DUSP16: variants seen among roughly 807,000 people sequenced by gnomAD.
DUSP16 encodes dual specificity protein phosphatase 16.
In DUSP16, 21 loss-of-function variants were observed where a neutral mutation model predicts 58.3. The ratio of observed to expected loss-of-function variants is 0.36; its 90% CI spans 0.26 to 0.52. The LOEUF (loss-of-function observed/expected upper bound fraction) is 0.52. Ranked by LOEUF, DUSP16 falls within the 20% of genes least tolerant of loss-of-function variation. The probability of loss-of-function intolerance (pLI) is 0.94; values close to 1 mark genes in which losing one functional copy is unlikely to be tolerated. For missense variants in DUSP16, 726 were observed against 819.0 expected (o/e 0.89, Z 1.39); for synonymous variants, 320 against 323.8 (o/e 0.99, Z 0.12).
At chr12:12,479,262 T>C (rs1293070699) in intron 6 of DUSP16, among the ~76,000 whole-genome samples, 1 of 143,332 alleles carries the variant, frequency 7.0e-6, no homozygotes, top group Non-Finnish European at 1.5e-5. Context: ...AAATTTGCAT[T>C]TGAATAAGGA....
At chr12:12,510,501 T>G (rs1301826178) in intron 3 of DUSP16, among the ~76,000 whole-genome samples, 2 of 152,170 alleles carry the variant, frequency 1.3e-5, no homozygotes, top group African/African-American at 4.8e-5. Context: ...AGTCCTCCTC[T>G]TTGGCCAACT....
chr12:12,481,385 T>G (rs1221845783), intron 5 of DUSP16, among the ~76,000 whole-genome samples: 1 of 152,156 alleles, frequency 6.6e-6, no homozygotes, highest in African/African-American at 2.4e-5. Context: ...CTGCCTCAAT[T>G]CTAAATAATT....
chr12:12,531,778 G>A (rs1944389645), intron 1 of DUSP16, among the ~76,000 whole-genome samples: 1 of 152,166 alleles, frequency 6.6e-6, no homozygotes, highest in African/African-American at 2.4e-5. Flanking sequence ...GGCTGAGGCA[G>A]GAGAATCGCT....
In DUSP16 at chr12:12,551,280, T is replaced by C. The variant is rs549264778; in HGVS notation, c.-366+10837A>G. On this transcript the variant is annotated intron_variant, in intron 1 of 6. Transcript: ENST00000298573. ...ACCTCGGGAAGCCTAGGCAGGCAGA[T>C]CACTTGAGGCCAGGAGTTCAAGACC... 5.9e-5 allele frequency among the ~76,000 whole-genome samples: 9 copies of C among 151,964 alleles called. No homozygotes were observed. The East Asian group carries it at 1.7e-3, about 30-fold the overall frequency.
chr12:12,481,359 C>T (rs540761472), intron 5 of DUSP16, among the ~76,000 whole-genome samples: 4 of 152,304 alleles, frequency 2.6e-5, no homozygotes, highest in African/African-American at 7.2e-5. Flanking sequence ...TACTAACATT[C>T]TGGCCAGTTC....
At chr12:12,549,445 C>T (rs1378513399) in intron 1 of DUSP16, among the ~76,000 whole-genome samples, 2 of 152,120 alleles carry the variant, frequency 1.3e-5, no homozygotes, top group African/African-American at 4.8e-5. Flanking sequence ...TTCCTCCGTG[C>T]CCTCCATGCT....
chr12:12,561,379 T>C (rs762740007), intron 1 of DUSP16, among the ~76,000 whole-genome samples: 17 of 152,214 alleles, frequency 1.1e-4, no homozygotes, highest in Non-Finnish European at 1.8e-4. Flanking sequence ...TTTTCTCTGG[T>C]TCATTATTGG....
intron 1 of DUSP16, among the ~76,000 whole-genome samples, chr12:12,528,035 G>A (rs1051791215): frequency 2.0e-5 from 3 of 152,186 alleles, no homozygotes; most frequent in Admixed American, 1.3e-4. Flanking sequence ...TCTGTTCAGG[G>A]CAAGGAGCAC....
intron 4 of DUSP16, among the ~76,000 whole-genome samples, chr12:12,492,448 G>A (rs1943775244): frequency 6.6e-6 from 1 of 152,020 alleles, no homozygotes; most frequent in South Asian, 2.1e-4. Context: ...ATACTCGTAA[G>A]GCCAATCCCT....
At chr12:12,560,479 TA>T (rs1041338833) in intron 1 of DUSP16, among the ~76,000 whole-genome samples, 2 of 152,102 alleles carry the variant, frequency 1.3e-5, no homozygotes, top group Non-Finnish European at 2.9e-5. Context: ...TTAGCCAAAT[TA>T]AAAAAAATTT....
chr12:12,536,812 C>T (rs1274356243), intron 1 of DUSP16, among the ~76,000 whole-genome samples: 4 of 151,634 alleles, frequency 2.6e-5, no homozygotes, highest in Non-Finnish European at 5.9e-5. Context: ...CCGAGGTGGG[C>T]GGATCGCCTG....
intron 4 of DUSP16, among the ~76,000 whole-genome samples, chr12:12,498,287 C>T (rs1377549162): frequency 6.6e-6 from 1 of 152,122 alleles, no homozygotes; most frequent in African/African-American, 2.4e-5. Context: ...GATTTCCTCA[C>T]TTATCAAATG....
chr12:12,486,191 A>G (rs560263613), intron 5 of DUSP16, among the ~76,000 whole-genome samples: 1 of 152,082 alleles, frequency 6.6e-6, no homozygotes, highest in Non-Finnish European at 1.5e-5. Flanking sequence ...AACTTATGTA[A>G]CTGGGGGAAA....
At chr12:12,486,937 T>C (rs1943693464) in intron 5 of DUSP16, 91 bp downstream of exon 5, 1 of 1,492,844 alleles carries the variant, frequency 6.7e-7, no homozygotes, top group South Asian at 1.2e-5. Flanking sequence ...ATAGGCTCCT[T>C]TTCTCTAAAG....
chr12:12,527,041 T>C lies in DUSP16; in HGVS notation c.-365-5578A>G, dbSNP rs534569539. Among the ~76,000 whole-genome samples, 276 of 152,276 alleles carry C rather than the reference T, an allele frequency of 1.8e-3. 3 individuals carry two copies. The highest frequency in any genetic ancestry group is 1.8e-3 in the Non-Finnish European group (121 of 68,014). On this transcript the variant is annotated intron_variant, in intron 1 of 6. Transcript: ENST00000298573. ...GGAAAGGAAAAGGATCCCATAGCTA[T>C]GGGGTGCTTAACAGGCCTGTTGAGT... is the stretch of plus-strand genomic sequence containing the variant.
intron 1 of DUSP16, among the ~76,000 whole-genome samples, chr12:12,524,712 G>C (rs907640786): frequency 6.6e-6 from 1 of 152,128 alleles, no homozygotes; most frequent in African/African-American, 2.4e-5. Context: ...AAAATCCAGA[G>C]CAGACCAGCT....
rs996228363 is a variant in DUSP16 at position 12,521,289 on chromosome 12, C to A, written c.-191G>T. 12 of 1,430,902 alleles carry A rather than the reference C, an allele frequency of 8.4e-6. No homozygotes were observed. The highest frequency in any genetic ancestry group is 1.1e-5 in the Non-Finnish European group (12 of 1,096,236). The allele number at this position is 1,430,902 out of a possible 1,614,324, so 88.6% of individuals were successfully genotyped here. A position where few individuals can be genotyped will look rare whatever the true frequency, so the allele number is the denominator to read the frequency against. On this transcript the variant is annotated 5_prime_UTR_variant, in exon 2 of 7. Transcript: ENST00000298573. ...CAAGTGAATGTCTCTTTCTCTTTCC[C>A]GTTGATGTGCTCTTGCAAAGGACTC... is the stretch of plus-strand genomic sequence containing the variant.
chr12:12,500,186 GAACT>G (rs758742791), intron 4 of DUSP16, among the ~76,000 whole-genome samples: 12 of 151,984 alleles, frequency 7.9e-5, no homozygotes, highest in Non-Finnish European at 1.2e-4. Flanking sequence ...GATAATCCAG[GAACT>G]AACAGCCTGA....
chr12:12,528,237 G>A (rs962547168), intron 1 of DUSP16, among the ~76,000 whole-genome samples: 1 of 151,888 alleles, frequency 6.6e-6, no homozygotes, highest in Non-Finnish European at 1.5e-5. Context: ...CTGGCCCACA[G>A]GCTCCTTCAC....
Sources: allele counts gnomAD v4.1 joint callset (sites outside exome capture counted in the v4.1 genomes callset), GRCh38; gene constraint gnomAD v4.1.1; transcripts MANE v1.5; gene names NCBI Gene and HGNC (gene_info 2026-07-23, HGNC 2026-07-21).